The following MEI4 variants were observed in gnomAD, a reference collection of about 807,000 sequenced individuals.
The protein encoded by MEI4 is meiotic double-stranded break formation protein 4, also known as meiosis-specific protein MEI4.
MEI4 carries 27 observed loss-of-function variants against 31.4 expected under a neutral mutation model. The observed-to-expected ratio is 0.86, with a 90% CI of 0.63 to 1.19. MEI4 has a LOEUF of 1.19. Among genes scored for constraint, MEI4 ranks in the 50% most tolerant of loss-of-function variants. The probability of loss-of-function intolerance (pLI) is 0.00; values close to 1 mark genes in which losing one functional copy is unlikely to be tolerated. For missense variants in MEI4, 329 were observed against 398.9 expected (o/e 0.82, Z 1.49); for synonymous variants, 122 against 145.4 (o/e 0.84, Z 1.16).
chr6:77,805,958 T>G (rs896522002), intron 3 of MEI4, among the ~76,000 whole-genome samples: 2 of 152,154 alleles, frequency 1.3e-5, no homozygotes, highest in African/African-American at 4.8e-5. Flanking sequence ...ATAGCTCCTT[T>G]TCTTAGGATG....
intron 4 of MEI4, among the ~76,000 whole-genome samples, chr6:77,841,333 A>ATATATATATATATATATATT: frequency 3.6e-5 from 1 of 27,736 alleles, no homozygotes; most frequent in African/African-American, 3.3e-4. Context: ...ATATATATAT[A>ATATATATATATATATATATT]TTTTTTTTTT....
At chr6:77,810,745 C>T (rs1288727564) in intron 3 of MEI4, among the ~76,000 whole-genome samples, 6 of 152,176 alleles carry the variant, frequency 3.9e-5, no homozygotes, top group South Asian at 2.1e-4. Flanking sequence ...TAAATAGCCA[C>T]AAAATATACA....
intron 3 of MEI4, among the ~76,000 whole-genome samples, chr6:77,827,625 G>A (rs1445022962): frequency 6.6e-6 from 1 of 152,034 alleles, no homozygotes; most frequent in Non-Finnish European, 1.5e-5. Flanking sequence ...TTAAATACAG[G>A]AAGATGTGAA....
chr6:77,805,996 G>A (rs1176405792), intron 3 of MEI4, among the ~76,000 whole-genome samples: 1 of 152,072 alleles, frequency 6.6e-6, no homozygotes, highest in Non-Finnish European at 1.5e-5. Context: ...TAAGAGAAGA[G>A]GGATGAAAAT....
intron 4 of MEI4, among the ~76,000 whole-genome samples, chr6:77,868,702 A>C (rs2127724514): frequency 6.6e-6 from 1 of 151,692 alleles, no homozygotes; most frequent in African/African-American, 2.4e-5. Context: ...CCATATCTAA[A>C]CTTATTTTCC....
At chr6:77,738,291 A>G (rs1427508974) in intron 2 of MEI4, among the ~76,000 whole-genome samples, 1 of 152,164 alleles carries the variant, frequency 6.6e-6, no homozygotes. Flanking sequence ...TTCAGCTAAA[A>G]CGAATCTTCT....
chr6:77,753,855 T>A (rs1198041966), intron 2 of MEI4, among the ~76,000 whole-genome samples: 1 of 152,116 alleles, frequency 6.6e-6, no homozygotes, highest in Non-Finnish European at 1.5e-5. Context: ...CCAACCCAAA[T>A]ACCCATCAAT....
intron 2 of MEI4, among the ~76,000 whole-genome samples, chr6:77,708,570 A>G (rs1447349153): frequency 6.6e-6 from 1 of 152,152 alleles, no homozygotes; most frequent in African/African-American, 2.4e-5. Flanking sequence ...ACAGAATTAT[A>G]TGGTTTGGAT....
At chr6:77,687,301 T>A (rs1769076418) in intron 1 of MEI4, among the ~76,000 whole-genome samples, 1 of 152,194 alleles carries the variant, frequency 6.6e-6, no homozygotes, top group African/African-American at 2.4e-5. Flanking sequence ...ATGTTCATTT[T>A]CATTATTTAC....
At chr6:77,656,341 T>C (rs1214740862) in intron 1 of MEI4, among the ~76,000 whole-genome samples, 1 of 152,062 alleles carries the variant, frequency 6.6e-6, no homozygotes, top group African/African-American at 2.4e-5. Flanking sequence ...TCTTGCAAGA[T>C]TAAAAAAAAC....
At chr6:77,784,872 G>A (rs554344201) in intron 3 of MEI4, among the ~76,000 whole-genome samples, 4 of 152,242 alleles carry the variant, frequency 2.6e-5, no homozygotes, top group East Asian at 3.9e-4. Context: ...TAGGCAACTC[G>A]TATTAATCCT....
chr6:77,913,169 G>GCGCT (rs1354640438), intron 4 of MEI4, among the ~76,000 whole-genome samples: 1 of 152,024 alleles, frequency 6.6e-6, no homozygotes, highest in East Asian at 1.9e-4. Flanking sequence ...TCCTTTTGAT[G>GCGCT]CGCTGTGTAT....
At chr6:77,879,960 CTGTT>C (rs1393009972) in intron 4 of MEI4, among the ~76,000 whole-genome samples, 1 of 152,134 alleles carries the variant, frequency 6.6e-6, no homozygotes, top group Non-Finnish European at 1.5e-5. Context: ...AAATGCTATT[CTGTT>C]TGGGCACCTG....
At chr6:77,730,188 G>C (rs1231190200) in intron 2 of MEI4, among the ~76,000 whole-genome samples, 2 of 152,050 alleles carry the variant, frequency 1.3e-5, no homozygotes, top group East Asian at 3.9e-4. Context: ...AGTGTATAGG[G>C]GGCACTGAAT....
intron 3 of MEI4, among the ~76,000 whole-genome samples, chr6:77,802,301 T>C (rs1769287001): frequency 6.6e-6 from 1 of 152,178 alleles, no homozygotes; most frequent in Admixed American, 6.5e-5. Flanking sequence ...ACCCCTGCCT[T>C]TGTTTGTTTT....
At chr6:77,797,546 G>T (rs1423719795) in intron 3 of MEI4, among the ~76,000 whole-genome samples, 3 of 152,042 alleles carry the variant, frequency 2.0e-5, no homozygotes, top group Non-Finnish European at 2.9e-5. Flanking sequence ...TCAAAAGTAG[G>T]GAAGCCAACA....
intron 3 of MEI4, among the ~76,000 whole-genome samples, chr6:77,821,046 C>T (rs1769812260): frequency 6.6e-6 from 1 of 151,990 alleles, no homozygotes; most frequent in South Asian, 2.1e-4. Context: ...TCTCTATGTA[C>T]ATTTTCCAGT....
In MEI4 at chr6:77,666,878, TGTGTGC is replaced by T. The variant is rs746718968; in HGVS notation, c.-15+13790_-15+13795del. ...GCCTCTGTGTGTGTGTGTGTGTGTG[TGTGTGC>T]GTGCGTGCGTGCGTGCATGTGTTGC... On this transcript the variant is annotated intron_variant, in intron 1 of 4. Transcript: ENST00000684080. 1.1e-4 allele frequency among the ~76,000 whole-genome samples: 16 copies of T among 146,194 alleles called. No homozygotes were observed. In the South Asian group the frequency reaches 1.4e-3, roughly 13 times the overall value.
At chr6:77,785,257 C>G (rs193262166) in intron 3 of MEI4, among the ~76,000 whole-genome samples, 3 of 152,212 alleles carry the variant, frequency 2.0e-5, no homozygotes, top group Admixed American at 6.5e-5. Context: ...TATTATTTTA[C>G]TCTTAAATGC....
Sources: gnomAD v4.1 joint callset for allele counts (sites outside exome capture counted in the v4.1 genomes callset) on GRCh38, gnomAD v4.1.1 for gene constraint, MANE v1.5 for transcripts, NCBI Gene and HGNC (gene_info 2026-07-23, HGNC 2026-07-21) for gene names.